CAND1: variants seen among roughly 807,000 people sequenced by gnomAD.
CAND1 encodes cullin-associated NEDD8-dissociated protein 1.
CAND1 carries 7 observed loss-of-function variants against 108.5 expected under a neutral mutation model. The ratio of observed to expected loss-of-function variants is 0.06; its 90% CI spans 0.04 to 0.12. CAND1 has a LOEUF of 0.12. CAND1 is among the 10% of genes least tolerant of loss of function. The probability of loss-of-function intolerance (pLI) is 1.00; values close to 1 mark genes in which losing one functional copy is unlikely to be tolerated. For synonymous variants in CAND1, 534 were observed against 512.0 expected, an observed-to-expected ratio of 1.04 and a Z score of -0.58; for missense variants, 941 against 1,448.7, an observed-to-expected ratio of 0.65 and a Z score of 5.69.
intron 1 of CAND1, 83 bp downstream of exon 1, chr12:67,269,868 C>T: frequency 1.6e-6 from 2 of 1,219,662 alleles, no homozygotes; most frequent in Non-Finnish European, 2.3e-6. Context: ...TGCCCCACCC[C>T]TTCGGCCGTA....
At chr12:67,297,201 TA>T in intron 4 of CAND1, 1 of 643,158 alleles carries the variant, frequency 1.6e-6, no homozygotes, top group South Asian at 1.8e-5. Flanking sequence ...TTTGGCAATG[TA>T]AATTTCAGTG....
chr12:67,297,275 T>A (rs1340035348), intron 4 of CAND1, 132 bp from the exon 5 acceptor site: 1 of 846,134 alleles, frequency 1.2e-6, no homozygotes, highest in Admixed American at 1.9e-5. Context: ...TAATTTTTCT[T>A]TCACTATGAA....
chr12:67,291,131 A>G (rs929909160), intron 2 of CAND1, among the ~76,000 whole-genome samples: 1 of 152,192 alleles, frequency 6.6e-6, no homozygotes, highest in African/African-American at 2.4e-5. Flanking sequence ...ACTAAAATCT[A>G]TGGGAAGAAC....
rs995000365 is a variant in CAND1 at position 67,317,867 on chromosome 12, G to C, written c.*5037G>C. The C allele has an allele frequency of 6.6e-6, 1 of 152,232 alleles. No homozygotes were observed. The highest frequency in any genetic ancestry group is 2.4e-5 in the African/African-American group (1 of 41,428). 9.4% of individuals were successfully genotyped at this position (152,232 alleles called of 1,614,324 possible). On this transcript the variant is annotated 3_prime_UTR_variant, in exon 15 of 15. Transcript: ENST00000545606. ...ACCACCTGCTATACATCTCATAAAG[G>C]TATCTCAAACACAGCATATCTAAAG...
intron 3 of CAND1, among the ~76,000 whole-genome samples, chr12:67,294,788 C>T (rs535454599): frequency 1.3e-5 from 2 of 152,100 alleles, no homozygotes; most frequent in Admixed American, 6.5e-5. Flanking sequence ...GTGTTTTTCT[C>T]CCACAGATCT....
chr12:67,269,643 T>TGGCGGCGGCGGCGGCGGCGGCGGC lies in CAND1; in HGVS notation c.-57_-56insGGCGGCGGCGGCGGCGGCGGCGGC. 3 of 1,315,764 alleles carry TGGCGGCGGCGGCGGCGGCGGCGGC rather than the reference T, an allele frequency of 2.3e-6. No homozygotes were observed. The African/African-American group carries it at 4.6e-5, about 20-fold the overall frequency. The allele number at this position is 1,315,764 out of a possible 1,614,324, so 81.5% of individuals were successfully genotyped here. ...CCGCGAGCGAGAGGAGGAGCTCCAG[T>TGGCGGCGGCGGCGGCGGCGGCGGC]GGCGGCGGCGGCGGCGGCAGCGGCA... On this transcript the variant is annotated 5_prime_UTR_variant, in exon 1 of 15. Coordinates refer to ENST00000545606, the MANE Select transcript of CAND1 (RefSeq NM_018448.5).
chr12:67,274,107 G>A (rs1346086680), intron 1 of CAND1, among the ~76,000 whole-genome samples: 1 of 151,874 alleles, frequency 6.6e-6, no homozygotes, highest in African/African-American at 2.4e-5. Flanking sequence ...ACTAGTGGAT[G>A]TTAAGATTCA....
At chr12:67,299,820 T>C (rs1466729664) in intron 7 of CAND1, among the ~76,000 whole-genome samples, 1 of 152,166 alleles carries the variant, frequency 6.6e-6, no homozygotes, top group Non-Finnish European at 1.5e-5. Context: ...AGTTGGTAAA[T>C]TACTAGGTAA....
intron 1 of CAND1, among the ~76,000 whole-genome samples, chr12:67,280,368 T>G (rs1252805723): frequency 6.6e-6 from 1 of 152,230 alleles, no homozygotes; most frequent in Non-Finnish European, 1.5e-5. Context: ...TTAAGTTGTT[T>G]TGCCAACCTT....
chr12:67,289,735 TTTA>T (rs1305497204), intron 2 of CAND1, among the ~76,000 whole-genome samples: 1 of 152,214 alleles, frequency 6.6e-6, no homozygotes, highest in Non-Finnish European at 1.5e-5. Context: ...ACTCCCAATT[TTTA>T]TTATTTTATA....
At position 67,306,172 on chromosome 12, in the gene CAND1, G is replaced by A; in HGVS notation, c.2504G>A (p.Arg835His). The change falls in exon 10 of 15, where the codon CGT (arginine) becomes CAT (histidine). Residue 835 changes from arginine (R) to histidine (H), a missense_variant. Physicochemically the swap from Arg to His is conservative, Grantham distance 29 (BLOSUM62 0). Around this residue, in one of 9 missense-constraint regions of CAND1, gnomAD observed 697 missense variants for 942.0 expected, o/e 0.74. Transcript: ENST00000545606. ...VKNSRSTDSI[R>H]LLALLSLGEV... is the part of the protein sequence containing the mutation. ...AACTCAAGGTCTACAGATTCCATTC[G>A]TCTCTTAGCTCTACTTTCTCTTGGA... is the stretch of plus-strand genomic sequence containing the variant. The A allele has an allele frequency of 6.2e-7, 1 of 1,614,064 alleles. No homozygotes were observed. Among genetic ancestry groups the A allele is most frequent in the Non-Finnish European group, 8.5e-7 (1 of 1,180,004 alleles).
chr12:67,312,954 A>G lies in CAND1; in HGVS notation c.*124A>G, dbSNP rs1175553255. 5 of 573,280 alleles carry G rather than the reference A, an allele frequency of 8.7e-6. No homozygotes were observed. The highest frequency in any genetic ancestry group is 2.9e-5 in the South Asian group (1 of 34,036). The allele number at this position is 573,280 out of a possible 1,614,324, so 35.5% of individuals were successfully genotyped here. A position where few individuals can be genotyped will look rare whatever the true frequency, so the allele number is the denominator to read the frequency against. The stretch of plus-strand genomic sequence containing the variant: ...AAAATGTTCCACTTTTTTTTCCTTC[A>G]TGGAGACTGTTTGTTTGGCTTTCTT... On this transcript the variant is annotated 3_prime_UTR_variant, in exon 15 of 15. Transcript: ENST00000545606.
rs2044877565 is a variant in CAND1, at chr12:67,305,880, C to T, written c.2212C>T (p.Leu738Phe). 1.2e-6 allele frequency: 2 copies of T among 1,614,158 alleles called. No homozygotes were observed. The highest frequency in any genetic ancestry group is 8.5e-7 in the Non-Finnish European group (1 of 1,179,994). ...GATAAGTGGATCCATTCTCAATGAA[C>T]TTATTGGACTTGTGAGATCACCCTT... ...SKISGSILNE[L>F]IGLVRSPLLQ... Residue 738 changes from leucine to phenylalanine, a missense_variant, in exon 10 of 15, where the codon CTT (leucine) becomes TTT (phenylalanine). Physicochemically the swap from Leu to Phe is conservative, Grantham distance 22. This residue lies in a region of CAND1 where 697 missense variants were observed against 942.0 expected (regional missense o/e 0.74). Coordinates refer to ENST00000545606, the MANE Select transcript of CAND1 (RefSeq NM_018448.5). The surrounding 1 kb of genome is among the most constrained non-coding windows in gnomAD (Gnocchi z 4.4).
At chr12:67,286,199 A>G (rs1032091773) in intron 2 of CAND1, among the ~76,000 whole-genome samples, 5 of 152,034 alleles carry the variant, frequency 3.3e-5, no homozygotes, top group Admixed American at 2.6e-4. Context: ...TTAAATAGAG[A>G]CGGGGTTTCA....
chr12:67,294,156 T>TC (rs1491248581), intron 3 of CAND1, among the ~76,000 whole-genome samples: 1 of 152,202 alleles, frequency 6.6e-6, no homozygotes, highest in African/African-American at 2.4e-5. Flanking sequence ...TAATTTTTTT[T>TC]CTCTCATTGA....
intron 8 of CAND1, 40 bp downstream of exon 8, chr12:67,302,655 A>T: frequency 6.5e-7 from 1 of 1,537,110 alleles, no homozygotes; most frequent in Non-Finnish European, 8.9e-7. Context: ...ATGATAGTAA[A>T]TGCAATGCTT....
chr12:67,304,547 A>T, intron 8 of CAND1, 58 bp from the exon 9 acceptor site: 1 of 1,540,742 alleles, frequency 6.5e-7, no homozygotes, highest in Non-Finnish European at 8.8e-7. Context: ...AATTCATGTT[A>T]AGTGTACTGA....
At position 67,304,543 on chromosome 12, in the gene CAND1, T is replaced by C. The variant is rs114523380; in HGVS notation, c.1294-62T>C. On this transcript the variant is annotated intron_variant, in intron 8 of 14. Transcript: ENST00000545606. ...CTTTATCCTCATTCTCCATAATTCA[T>C]GTTAAGTGTACTGAGGAAATACCAA... 1,039 of 1,511,200 alleles carry C rather than the reference T, an allele frequency of 6.9e-4. 6 individuals carry two copies. The African/African-American group carries it at 0.012, about 18-fold the overall frequency. 93.6% of individuals were successfully genotyped at this position (1,511,200 alleles called of 1,614,324 possible). A position where few individuals can be genotyped will look rare whatever the true frequency, so the allele number is the denominator to read the frequency against.
At position 67,306,371 on chromosome 12, in the gene CAND1, T is replaced by G; in HGVS notation, c.2703T>G (p.Ser901Arg). 1.2e-6 allele frequency: 2 copies of G among 1,614,076 alleles called. No homozygotes were observed. The highest frequency in any genetic ancestry group is 8.5e-7 in the Non-Finnish European group (1 of 1,179,960). The change falls in exon 10 of 15, where the codon AGT becomes AGG. Residue 901 changes from serine (S) to arginine (R), a missense_variant. By Grantham distance (110) the Ser-to-Arg change is moderately radical. Around this residue, in one of 9 missense-constraint regions of CAND1, gnomAD observed 697 missense variants for 942.0 expected, o/e 0.74. Coordinates refer to ENST00000545606, the MANE Select transcript of CAND1 (RefSeq NM_018448.5). Reference protein sequence around the residue: ...YLPFVLQEITSQPKRQYLLLH... With the variant: ...YLPFVLQEITRQPKRQYLLLH... ...CGTTTGTCCTGCAAGAAATAACTAG[T>G]CAACCCAAAAGGCAGTATCTTTTAC... is the stretch of plus-strand genomic sequence containing the variant.
Sources: gnomAD v4.1 joint callset for allele counts (sites outside exome capture counted in the v4.1 genomes callset) on GRCh38, gnomAD v4.1.1 for gene constraint, gnomAD v4.1.1 regional missense constraint, Gnocchi (gnomAD v3.1) non-coding constraint, MANE v1.5 for transcripts, NCBI Gene and HGNC (gene_info 2026-07-23, HGNC 2026-07-21) for gene names.